ERN1: variants seen among roughly 807,000 people sequenced by gnomAD.
The protein encoded by ERN1 is serine/threonine-protein kinase/endoribonuclease IRE1.
In ERN1, 39 loss-of-function variants were observed where a neutral mutation model predicts 113.1. The ratio of observed to expected loss-of-function variants is 0.34; its 90% CI spans 0.27 to 0.45. The LOEUF (loss-of-function observed/expected upper bound fraction) is 0.45. Ranked by LOEUF, ERN1 falls within the 20% of genes least tolerant of loss-of-function variation. The pLI is 1.00. For missense variants in ERN1, 976 were observed against 1,274.8 expected (o/e 0.77, Z 3.57); for synonymous variants, 507 against 515.9 (o/e 0.98, Z 0.23).
intron 12 of ERN1, among the ~76,000 whole-genome samples, chr17:64,056,588 G>T (rs1428908881): frequency 6.6e-6 from 1 of 152,206 alleles, no homozygotes; most frequent in Non-Finnish European, 1.5e-5. Flanking sequence ...TACTCTGAAG[G>T]ATTCATTCTG....
In ERN1 at chr17:64,049,642, C is replaced by A. The variant is rs1320540349; in HGVS notation, c.2254-440G>T. ...TGTACCCCCAGGGCCCAGAATGGTG[C>A]CTGCACACAGTAGGTATCAAAATTG... On this transcript the variant is annotated intron_variant, in intron 17 of 21. Coordinates refer to ENST00000433197, the MANE Select transcript of ERN1 (RefSeq NM_001433.5). This position sits in a 1 kb window ranked among gnomAD's most constrained non-coding sequence, Gnocchi z 4.7. 1.3e-5 allele frequency among the ~76,000 whole-genome samples: 2 copies of A among 152,146 alleles called. No individual in the cohort carries two copies. The highest frequency in any genetic ancestry group is 2.9e-5 in the Non-Finnish European group (2 of 68,028).
chr17:64,127,604 A>G (rs1915113117), intron 1 of ERN1, among the ~76,000 whole-genome samples: 1 of 152,074 alleles, frequency 6.6e-6, no homozygotes, highest in South Asian at 2.1e-4. Context: ...AAATACAAAA[A>G]TTAGCCGGGT....
chr17:64,113,477 C>CT (rs1598087811), intron 1 of ERN1, among the ~76,000 whole-genome samples: 2 of 152,082 alleles, frequency 1.3e-5, no homozygotes, highest in East Asian at 3.9e-4. Flanking sequence ...GTATCTAACA[C>CT]TTTATTTTTC....
At chr17:64,098,035 G>GT in intron 2 of ERN1, 86 bp downstream of exon 2, 1 of 1,488,222 alleles carries the variant, frequency 6.7e-7, no homozygotes, top group African/African-American at 1.4e-5. Flanking sequence ...TAGATAATGA[G>GT]TAATGTTTTC....
chr17:64,048,999 G>C (rs1447105204), intron 18 of ERN1, 56 bp downstream of exon 18: 3 of 1,485,148 alleles, frequency 2.0e-6, no homozygotes. Flanking sequence ...CAGCTCTGCA[G>C]GGCCACCTGA....
rs1282509554 is a variant in ERN1, at chr17:64,102,972, G to A, written c.55-4731C>T. 4.1e-6 allele frequency: 4 copies of A among 985,222 alleles called. No homozygotes were observed. In the South Asian group the frequency reaches 1.4e-4, roughly 35 times the overall value. 61.0% of individuals were successfully genotyped at this position (985,222 alleles called of 1,614,324 possible). A position where few individuals can be genotyped will look rare whatever the true frequency, so the allele number is the denominator to read the frequency against. On this transcript the variant is annotated intron_variant, in intron 1 of 21. Transcript: ENST00000433197. ...TAGGAAGTAACCAACAGTAACTGTGGAGGGTGGGAAGGGTAGTGGCAGGCA... is the reference window on the plus strand; with the variant it reads ...TAGGAAGTAACCAACAGTAACTGTGAAGGGTGGGAAGGGTAGTGGCAGGCA...
chr17:64,060,342 G>T (rs1913013302), intron 11 of ERN1, 127 bp downstream of exon 11: 25 of 664,796 alleles, frequency 3.8e-5, no homozygotes, highest in African/African-American at 1.3e-4. Context: ...TTTTTGCTTT[G>T]GATTCTGGTG....
chr17:64,107,985 C>T (rs1914574532), intron 1 of ERN1, among the ~76,000 whole-genome samples: 1 of 152,122 alleles, frequency 6.6e-6, no homozygotes, highest in Non-Finnish European at 1.5e-5. Context: ...ATAAAGGCAA[C>T]CATGACATTT....
intron 1 of ERN1, among the ~76,000 whole-genome samples, chr17:64,119,389 T>G (rs982932532): frequency 6.5e-5 from 9 of 138,600 alleles, no homozygotes; most frequent in African/African-American, 1.9e-4. Context: ...TTTTTTTTTT[T>G]TTTTTTTTTT....
intron 1 of ERN1, among the ~76,000 whole-genome samples, chr17:64,116,119 C>T (rs886646783): frequency 6.6e-6 from 1 of 152,108 alleles, no homozygotes; most frequent in East Asian, 1.9e-4. Flanking sequence ...AAAAGAAATA[C>T]CATGAAAATC....
chr17:64,077,659 T>C (rs920006865), intron 4 of ERN1, among the ~76,000 whole-genome samples: 1 of 152,144 alleles, frequency 6.6e-6, no homozygotes, highest in Non-Finnish European at 1.5e-5. Context: ...CACTCCACTG[T>C]GGATGTTATT....
chr17:64,053,311 T>C lies in ERN1; in HGVS notation c.2014A>G (p.Thr672Ala), dbSNP rs536005555. The C allele has an allele frequency of 5.6e-6, 9 of 1,611,742 alleles. No individual in the cohort carries two copies. The highest frequency in any genetic ancestry group is 2.7e-5 in the African/African-American group (2 of 75,002). Residue 672 changes from threonine to alanine, a missense_variant, in exon 16 of 22, where the codon ACC (threonine) becomes GCC (alanine). Transcript: ENST00000433197. ...TGGAGGTGGGCCAGGCCCGAGGTGG[T>C]CTGCTGCAGCAAGGTGATGGGCTCC... ...GLEPITLLQQ[T>A]TSGLAHLHSL...
Position 64,124,777 on chromosome 17 carries a change from T to C in ERN1, c.54+5199A>G, listed in dbSNP as rs139506609. Among the ~76,000 whole-genome samples, 53 of 152,342 alleles carry C rather than the reference T, an allele frequency of 3.5e-4. No individual in the cohort carries two copies. In the East Asian group the frequency reaches 0.01, roughly 29 times the overall value. ...GTGGTATATTCATATAATGGAATAT[T>C]ATTCAGCAATAAAAAGGAACAAAGT... On this transcript the variant is annotated intron_variant, in intron 1 of 21. Coordinates refer to ENST00000433197, the MANE Select transcript of ERN1 (RefSeq NM_001433.5).
At chr17:64,084,290 T>C (rs982743536) in intron 2 of ERN1, among the ~76,000 whole-genome samples, 2 of 152,184 alleles carry the variant, frequency 1.3e-5, no homozygotes, top group Non-Finnish European at 2.9e-5. Flanking sequence ...CCCTAACACA[T>C]GCTATCAGTT....
Position 64,053,348 on chromosome 17 carries a change from C to A in ERN1, c.1977G>T (p.Ala659=), listed in dbSNP as rs774733130. 6.2e-6 allele frequency: 10 copies of A among 1,610,640 alleles called. No homozygotes were observed. The highest frequency in any genetic ancestry group is 1.3e-5 in the African/African-American group (1 of 74,856). The stretch of plus-strand genomic sequence containing the variant: ...AGGTGATGGGCTCCAGGCCGAGATG[C>A]GCAAAGTCCTTCTGCTCCACATACT... The part of the protein sequence containing the change: ...LQEYVEQKDF[A]HLGLEPITLL... Residue 659 remains alanine, a synonymous_variant, in exon 16 of 22, where the codon GCG becomes GCT. Transcript: ENST00000433197.
chr17:64,066,717 A>G lies in ERN1; in HGVS notation c.796T>C (p.Trp266Arg), dbSNP rs1031603515. 1.9e-6 allele frequency: 3 copies of G among 1,613,686 alleles called. No individual in the cohort carries two copies. The highest frequency in any genetic ancestry group is 2.7e-5 in the African/African-American group (2 of 74,928). ...GTCTCCTTGGGGAACGGGTACTTCC[A>G]CTTTGTGATGCGCCCCACCTCCCCA... ...MSGEVGRITK[W>R]KYPFPKETEA... The change falls in exon 8 of 22, where the codon TGG becomes CGG. Residue 266 changes from tryptophan (W) to arginine (R), a missense_variant. Physicochemically the swap from Trp to Arg is moderately radical, Grantham distance 101 (BLOSUM62 -3). This residue lies in a region of ERN1 where 459 missense variants were observed against 581.2 expected (regional missense o/e 0.79). Transcript: ENST00000433197.
chr17:64,127,390 C>A (rs1418114856), intron 1 of ERN1, among the ~76,000 whole-genome samples: 1 of 152,158 alleles, frequency 6.6e-6, no homozygotes, highest in Non-Finnish European at 1.5e-5. Flanking sequence ...CTATTAAGCA[C>A]GTGTGAAGGT....
intron 4 of ERN1, among the ~76,000 whole-genome samples, chr17:64,078,312 T>C (rs1198612530): frequency 6.6e-6 from 1 of 152,226 alleles, no homozygotes; most frequent in African/African-American, 2.4e-5. Context: ...TTTATGACCA[T>C]TTGGATATTC....
At chr17:64,111,055 A>G (rs1050135536) in intron 1 of ERN1, among the ~76,000 whole-genome samples, 3 of 152,242 alleles carry the variant, frequency 2.0e-5, no homozygotes, top group Non-Finnish European at 4.4e-5. Context: ...AGGCCTTTCC[A>G]GACATCAAAG....
Sources: allele counts gnomAD v4.1 joint callset (sites outside exome capture counted in the v4.1 genomes callset), GRCh38; gene constraint gnomAD v4.1.1; regional missense constraint gnomAD v4.1.1; non-coding constraint Gnocchi (gnomAD v3.1); transcripts MANE v1.5; gene names NCBI Gene and HGNC (gene_info 2026-07-23, HGNC 2026-07-21).